The following STAU2 variants were observed in gnomAD, a reference collection of about 807,000 sequenced individuals.
STAU2 encodes double-stranded RNA-binding protein Staufen homolog 2.
Under a neutral mutation model 65.9 loss-of-function variants are expected in STAU2, and 20 were observed. That is an observed-to-expected ratio of 0.30 (90% CI 0.21 to 0.44). The LOEUF (loss-of-function observed/expected upper bound fraction) is 0.44, where lower values mean the gene tolerates loss of function less well. Among genes scored for constraint, STAU2 ranks in the 20% least tolerant of loss-of-function variants. The pLI is 1.00. For synonymous variants in STAU2, 232 were observed against 233.9 expected (o/e 0.99, Z 0.07); for missense variants, 558 against 683.9 (o/e 0.82, Z 2.05).
intron 4 of STAU2, among the ~76,000 whole-genome samples, chr8:73,700,774 C>CT (rs1275389793): frequency 1.3e-5 from 2 of 151,996 alleles, no homozygotes; most frequent in Non-Finnish European, 2.9e-5. Context: ...AAAAACAATT[C>CT]TAAAATTTAT....
chr8:73,549,052 CATA>C (rs1486189033), intron 13 of STAU2, among the ~76,000 whole-genome samples: 1 of 152,062 alleles, frequency 6.6e-6, no homozygotes. Context: ...GTGTCTTTTG[CATA>C]ATAAGTTTCT....
At chr8:73,628,442 T>C (rs1365642241) in intron 6 of STAU2, among the ~76,000 whole-genome samples, 1 of 152,204 alleles carries the variant, frequency 6.6e-6, no homozygotes, top group Non-Finnish European at 1.5e-5. Flanking sequence ...TCTTACGTAC[T>C]AAAAACTTAT....
chr8:73,682,307 T>C (rs1219243162), intron 5 of STAU2, among the ~76,000 whole-genome samples: 3 of 151,642 alleles, frequency 2.0e-5, no homozygotes, highest in Non-Finnish European at 4.4e-5. Flanking sequence ...AAATTGGACA[T>C]CAACTGCAAA....
At chr8:73,474,959 T>TA (rs1820238027) in intron 13 of STAU2, among the ~76,000 whole-genome samples, 1 of 152,176 alleles carries the variant, frequency 6.6e-6, no homozygotes, top group African/African-American at 2.4e-5. Flanking sequence ...CCTGTGACTA[T>TA]AAACAGATAC....
chr8:73,553,167 A>C (rs190064725), intron 12 of STAU2, among the ~76,000 whole-genome samples: 1 of 152,368 alleles, frequency 6.6e-6, no homozygotes, highest in East Asian at 1.9e-4. Context: ...AGAAGTTTCA[A>C]ACCACATTTC....
chr8:73,673,334 G>C (rs1817817405), intron 5 of STAU2, 92 bp from the exon 6 acceptor site: 2 of 1,265,216 alleles, frequency 1.6e-6, no homozygotes, highest in Non-Finnish European at 2.0e-6. Flanking sequence ...AAATACCATG[G>C]AAGAAGGTAA....
At chr8:73,521,733 A>G (rs776507743) in intron 13 of STAU2, among the ~76,000 whole-genome samples, 4 of 152,236 alleles carry the variant, frequency 2.6e-5, no homozygotes, top group Non-Finnish European at 5.9e-5. Context: ...AGGAAAAACA[A>G]CTAATGAGGT....
At chr8:73,531,031 A>G (rs1445205016) in intron 13 of STAU2, among the ~76,000 whole-genome samples, 1 of 152,174 alleles carries the variant, frequency 6.6e-6, no homozygotes, top group Non-Finnish European at 1.5e-5. Context: ...CCTCTACCCT[A>G]GTCACCCTCT....
intron 3 of STAU2, among the ~76,000 whole-genome samples, chr8:73,734,925 C>CTT (rs932802247): frequency 2.4e-4 from 36 of 152,200 alleles, no homozygotes; most frequent in African/African-American, 8.7e-4. Context: ...CTCTTTCAAG[C>CTT]TGAGAATCAA....
chr8:73,537,551 G>C (rs1290789249), intron 13 of STAU2, among the ~76,000 whole-genome samples: 1 of 152,188 alleles, frequency 6.6e-6, no homozygotes, highest in Non-Finnish European at 1.5e-5. Flanking sequence ...ATGCCAGAAG[G>C]AACAGGCATA....
intron 6 of STAU2, among the ~76,000 whole-genome samples, chr8:73,625,634 G>A (rs1277878857): frequency 6.6e-6 from 1 of 152,160 alleles, no homozygotes; most frequent in Admixed American, 6.5e-5. Flanking sequence ...CACGGTGATG[G>A]CTGTACAACA....
chr8:73,438,725 G>A (rs1817896391), intron 13 of STAU2, among the ~76,000 whole-genome samples: 2 of 152,226 alleles, frequency 1.3e-5, no homozygotes, highest in Admixed American at 1.3e-4. Context: ...AATGTCAGAT[G>A]GGAGGCAGGT....
intron 5 of STAU2, among the ~76,000 whole-genome samples, chr8:73,684,509 G>C (rs557414248): frequency 6.6e-6 from 1 of 152,264 alleles, no homozygotes; most frequent in South Asian, 2.1e-4. Context: ...AAAAATTCTA[G>C]AAGATAACAT....
chr8:73,433,604 G>T (rs1446313939), intron 13 of STAU2, among the ~76,000 whole-genome samples: 1 of 150,884 alleles, frequency 6.6e-6, no homozygotes, highest in Non-Finnish European at 1.5e-5. Context: ...GGGTTCAAGC[G>T]ATTCTTGTGC....
At chr8:73,689,581 T>C (rs755099438) in intron 4 of STAU2, among the ~76,000 whole-genome samples, 5 of 152,222 alleles carry the variant, frequency 3.3e-5, no homozygotes, top group African/African-American at 1.2e-4. Context: ...TAACATGCTC[T>C]GAATTCCATT....
At chr8:73,490,549 T>C (rs2128915063) in intron 13 of STAU2, among the ~76,000 whole-genome samples, 1 of 152,060 alleles carries the variant, frequency 6.6e-6, no homozygotes, top group South Asian at 2.1e-4. Context: ...AACGTAGCAG[T>C]TCTCATGTTT....
At chr8:73,678,982 G>A (rs1341523347) in intron 5 of STAU2, among the ~76,000 whole-genome samples, 1 of 152,126 alleles carries the variant, frequency 6.6e-6, no homozygotes, top group Non-Finnish European at 1.5e-5. Flanking sequence ...TAACCAAGTA[G>A]AGAATGATTA....
chr8:73,591,882 T>TAAAAAAA lies in STAU2; in HGVS notation c.1161+3277_1161+3283dup, dbSNP rs34533172. Reference sequence around the variant, plus strand: ...ACCCATACAGCGTGTATCCCAGAGGTAAAAAAAAAAAAAAAAAAAAAAAAA... The same window carrying TAAAAAAA: ...ACCCATACAGCGTGTATCCCAGAGGTAAAAAAAAAAAAAAAAAAAAAAAAAAAAAAAA... On this transcript the variant is annotated intron_variant, in intron 11 of 14. Transcript: ENST00000524300. 9.5e-4 allele frequency among the ~76,000 whole-genome samples: 27 copies of TAAAAAAA among 28,476 alleles called. 1 individual carries two copies. The highest frequency in any genetic ancestry group is 5.3e-3 in the East Asian group (2 of 376). The allele number at this position is 28,476 out of a possible 152,430, so 18.7% of individuals were successfully genotyped here.
intron 13 of STAU2, among the ~76,000 whole-genome samples, chr8:73,452,569 C>T (rs1319435695): frequency 1.3e-5 from 2 of 152,236 alleles, no homozygotes; most frequent in African/African-American, 4.8e-5. Flanking sequence ...GTGCTCTTCC[C>T]TCTCCTTCCT....
Sources: gnomAD v4.1 joint callset for allele counts (sites outside exome capture counted in the v4.1 genomes callset) on GRCh38, gnomAD v4.1.1 for gene constraint, MANE v1.5 for transcripts, NCBI Gene and HGNC (gene_info 2026-07-23, HGNC 2026-07-21) for gene names.